Variants in TBC1D16 observed in about 807,000 individuals in gnomAD.
TBC1D16 encodes TBC1 domain family member 16.
TBC1D16 carries 58 observed loss-of-function variants against 74.7 expected under a neutral mutation model. The ratio of observed to expected loss-of-function variants is 0.78; its 90% CI spans 0.63 to 0.97. TBC1D16 has a LOEUF of 0.97. TBC1D16 is among the 50% of genes least tolerant of loss of function. The probability of loss-of-function intolerance (pLI) is 0.00; values close to 1 mark genes in which losing one functional copy is unlikely to be tolerated. For synonymous variants in TBC1D16, 493 were observed against 474.7 expected (o/e 1.04, Z -0.50); for missense variants, 1,014 against 1,079.5 (o/e 0.94, Z 0.85).
rs1298261854 is a variant in TBC1D16, at chr17:79,990,044, C to T, written c.779+20116G>A. Among the ~76,000 whole-genome samples the T allele has an allele frequency of 6.6e-6, 1 of 152,204 alleles. No individual in the cohort carries two copies. Among genetic ancestry groups the T allele is most frequent in the African/African-American group, 2.4e-5 (1 of 41,450 alleles). On this transcript the variant is annotated intron_variant, in intron 3 of 11. Coordinates refer to ENST00000310924, the MANE Select transcript of TBC1D16 (RefSeq NM_019020.4). The surrounding 1 kb of genome is among the most constrained non-coding windows in gnomAD (Gnocchi z 4.8). ...AACAGGGAGAGTCTATTTTTCTAAG[C>T]TCACTAGGTAAAGTGTTACTTCCTG...
Position 79,952,702 on chromosome 17 carries a change from A to C in TBC1D16, c.896T>G (p.Phe299Cys). The change falls in exon 4 of 12, where the codon TTC becomes TGC. Residue 299 changes from phenylalanine (F) to cysteine (C), a missense_variant. By Grantham distance (205) the Phe-to-Cys change is radical. Transcript: ENST00000310924. ...GCGCATGTGGCCCAGGTCCACGCGG[A>C]ACACGCCGCAAATCTGCTCCAGGGC... ...VCALEQICGV[F>C]RVDLGHMRSL... is the part of the protein sequence containing the mutation. 6.2e-7 allele frequency: 1 copy of C among 1,610,876 alleles called. No homozygotes were observed. Among genetic ancestry groups the C allele is most frequent in the East Asian group, 2.2e-5 (1 of 44,752 alleles).
chr17:79,997,646 T>C (rs1245468117), intron 3 of TBC1D16, among the ~76,000 whole-genome samples: 1 of 152,240 alleles, frequency 6.6e-6, no homozygotes, highest in African/African-American at 2.4e-5. Context: ...ATGTACACAC[T>C]TTCCCATACC....
At position 79,981,585 on chromosome 17, in the gene TBC1D16, A is replaced by G. The variant is rs74870426; in HGVS notation, c.779+28575T>C. Among the ~76,000 whole-genome samples the G allele has an allele frequency of 0.019, 2,925 of 152,374 alleles. 93 individuals carry two copies. The highest frequency in any genetic ancestry group is 0.067 in the African/African-American group (2,776 of 41,588). ...GATCGTCGGTGATAAAGAAATGCGC[A>G]TGAACATGATTTTTAAGCCATCCTA... On this transcript the variant is annotated intron_variant, in intron 3 of 11. Coordinates refer to ENST00000310924, the MANE Select transcript of TBC1D16 (RefSeq NM_019020.4). The surrounding 1 kb of genome is among the most constrained non-coding windows in gnomAD (Gnocchi z 6.9).
chr17:80,013,382 C>T lies in TBC1D16; in HGVS notation c.166G>A (p.Gly56Arg). The change falls in exon 2 of 12, where the codon GGG (glycine) becomes AGG (arginine). Residue 56 changes from glycine to arginine, a missense_variant. Transcript: ENST00000310924. The part of the protein sequence containing the change: ...VHPPEGLQGL[G>R]EHHPGYLCLY... ...CCTGGCTCACCTGGGTGGTGCTCCCCCAGCCCCTGCAGCCCCTCCGGCGGG... is the reference window on the plus strand; with the variant it reads ...CCTGGCTCACCTGGGTGGTGCTCCCTCAGCCCCTGCAGCCCCTCCGGCGGG... 3 of 1,606,814 alleles carry T rather than the reference C, an allele frequency of 1.9e-6. No homozygotes were observed. The highest frequency in any genetic ancestry group is 2.5e-6 in the Non-Finnish European group (3 of 1,177,172).
At position 79,986,890 on chromosome 17, in the gene TBC1D16, C is replaced by T. The variant is rs1028939073; in HGVS notation, c.779+23270G>A. The stretch of plus-strand genomic sequence containing the variant: ...GTGATGCATGGGAGGAGCTGGACTG[C>T]GGTCAGCCGTCCCCTCGCGCCCTCC... On this transcript the variant is annotated intron_variant, in intron 3 of 11. Coordinates refer to ENST00000310924, the MANE Select transcript of TBC1D16 (RefSeq NM_019020.4). This position sits in a 1 kb window ranked among gnomAD's most constrained non-coding sequence, Gnocchi z 6.0. Among the ~76,000 whole-genome samples, 2 of 152,230 alleles carry T rather than the reference C, an allele frequency of 1.3e-5. No homozygotes were observed. Among genetic ancestry groups the T allele is most frequent in the Non-Finnish European group, 2.9e-5 (2 of 68,046 alleles).
chr17:79,968,725 C>T (rs1289854954), intron 3 of TBC1D16, among the ~76,000 whole-genome samples: 2 of 150,318 alleles, frequency 1.3e-5, no homozygotes, highest in African/African-American at 2.4e-5. Context: ...TTGTGGCGGG[C>T]GCCTGTAGTC....
chr17:79,973,150 C>A (rs2034184346), intron 3 of TBC1D16, among the ~76,000 whole-genome samples: 1 of 152,208 alleles, frequency 6.6e-6, no homozygotes, highest in South Asian at 2.1e-4. Context: ...CAACCCAATA[C>A]CCCCGTTGGT....
chr17:80,030,190 G>T (rs1189743740), intron 1 of TBC1D16, among the ~76,000 whole-genome samples: 1 of 152,112 alleles, frequency 6.6e-6, no homozygotes, highest in Non-Finnish European at 1.5e-5. Flanking sequence ...CATCTTTGGG[G>T]GCCATTCTTC....
At chr17:79,957,195 G>T (rs566142540) in intron 3 of TBC1D16, among the ~76,000 whole-genome samples, 1 of 152,192 alleles carries the variant, frequency 6.6e-6, no homozygotes, top group Non-Finnish European at 1.5e-5. Context: ...GGTTGGGAGA[G>T]GAGGCTGTGA....
At position 79,940,167 on chromosome 17, in the gene TBC1D16, C is replaced by T. The variant is rs1006198184; in HGVS notation, c.*692G>A. On this transcript the variant is annotated 3_prime_UTR_variant, in exon 12 of 12. Coordinates refer to ENST00000310924, the MANE Select transcript of TBC1D16 (RefSeq NM_019020.4). This position sits in a 1 kb window ranked among gnomAD's most constrained non-coding sequence, Gnocchi z 5.4. ...AGGCTCCTGGGCAGACAGTTCCCTT[C>T]GTGTACCAGGAGGACGAAATGTTTA... The T allele has an allele frequency of 6.6e-6, 1 of 152,178 alleles. No individual in the cohort carries two copies. Among genetic ancestry groups the T allele is most frequent in the East Asian group, 1.9e-4 (1 of 5,188 alleles). The allele number at this position is 152,178 out of a possible 1,614,324, so 9.4% of individuals were successfully genotyped here.
Position 79,998,414 on chromosome 17 carries a change from G to A in TBC1D16, c.779+11746C>T, listed in dbSNP as rs111685943. Among the ~76,000 whole-genome samples the A allele has an allele frequency of 2.0e-4, 31 of 151,292 alleles. 1 individual carries two copies. Among genetic ancestry groups the A allele is most frequent in the African/African-American group, 6.3e-4 (26 of 41,180 alleles). ...GCAATCTAAGCTCACTGCAACCTCC[G>A]CATTCTGGGCTCAAGCAATCCTCCT... On this transcript the variant is annotated intron_variant, in intron 3 of 11. Transcript: ENST00000310924.
chr17:79,965,980 C>T (rs1393998578), intron 3 of TBC1D16, among the ~76,000 whole-genome samples: 1 of 152,212 alleles, frequency 6.6e-6, no homozygotes, highest in Non-Finnish European at 1.5e-5. Context: ...ACCACAGCTG[C>T]ATGGCTTAAA....
intron 4 of TBC1D16, among the ~76,000 whole-genome samples, chr17:79,952,377 G>T (rs1007470800): frequency 2.6e-5 from 4 of 152,252 alleles, no homozygotes; most frequent in Non-Finnish European, 4.4e-5. Context: ...CCCTGGTTTG[G>T]TTTCTTCTCC....
intron 3 of TBC1D16, among the ~76,000 whole-genome samples, chr17:79,964,726 AG>A (rs2143980480): frequency 6.6e-6 from 1 of 152,352 alleles, no homozygotes; most frequent in African/African-American, 2.4e-5. Flanking sequence ...TTTCAACCAT[AG>A]GAGAATATTT....
chr17:80,023,368 CG>C (rs199870640), intron 1 of TBC1D16, among the ~76,000 whole-genome samples: 1,512 of 149,964 alleles, frequency 0.01, 26 homozygotes, highest in Non-Finnish European at 0.012. Context: ...GGACAGTACC[CG>C]GGCAGCCACA....
intron 2 of TBC1D16, among the ~76,000 whole-genome samples, chr17:80,012,926 A>C (rs887556522): frequency 6.6e-6 from 1 of 152,030 alleles, no homozygotes; most frequent in Non-Finnish European, 1.5e-5. Context: ...TCCACCACAC[A>C]CTGGCACTGT....
chr17:80,008,288 A>T lies in TBC1D16; in HGVS notation c.779+1872T>A, dbSNP rs1454629647. On this transcript the variant is annotated intron_variant, in intron 3 of 11. Transcript: ENST00000310924. The surrounding 1 kb of genome is among the most constrained non-coding windows in gnomAD (Gnocchi z 4.5). ...TACAAACAGGGAAACCGAGGCTCCA[A>T]GAAAAGAAAGAATTTCCCAGGTTCA... Among the ~76,000 whole-genome samples the T allele has an allele frequency of 6.6e-6, 1 of 152,154 alleles. No individual in the cohort carries two copies. The highest frequency in any genetic ancestry group is 1.5e-5 in the Non-Finnish European group (1 of 68,032).
chr17:80,013,616 G>C lies in TBC1D16; in HGVS notation c.-62-7C>G. On this transcript the variant is annotated splice_polypyrimidine_tract_variant and splice_region_variant and intron_variant, in intron 1 of 11. Transcript: ENST00000310924. The stretch of plus-strand genomic sequence containing the variant: ...AGGGCTCGTCAAGACCTGCCTGGGG[G>C]AGGAAGAGAGAGGAGATGGTCAAGG... 7.1e-7 allele frequency: 1 copy of C among 1,408,610 alleles called. No individual in the cohort carries two copies. The highest frequency in any genetic ancestry group is 9.4e-7 in the Non-Finnish European group (1 of 1,062,692). The allele number at this position is 1,408,610 out of a possible 1,614,324, so 87.3% of individuals were successfully genotyped here. A position where few individuals can be genotyped will look rare whatever the true frequency, so the allele number is the denominator to read the frequency against.
chr17:80,010,055 C>T lies in TBC1D16; in HGVS notation c.779+105G>A. On this transcript the variant is annotated intron_variant, in intron 3 of 11. Coordinates refer to ENST00000310924, the MANE Select transcript of TBC1D16 (RefSeq NM_019020.4). The surrounding 1 kb of genome is among the most constrained non-coding windows in gnomAD (Gnocchi z 8.8). ...CAGCCGCGGGCAGGTCGGGCAGATG[C>T]CTCCAGCGCTCACCTGGCATCACAG... 1 of 1,004,344 alleles carries T rather than the reference C, an allele frequency of 1.0e-6. No homozygotes were observed. The allele number at this position is 1,004,344 out of a possible 1,614,324, so 62.2% of individuals were successfully genotyped here.
Sources: allele counts gnomAD v4.1 joint callset (sites outside exome capture counted in the v4.1 genomes callset), GRCh38; gene constraint gnomAD v4.1.1; non-coding constraint Gnocchi (gnomAD v3.1); transcripts MANE v1.5; gene names NCBI Gene and HGNC (gene_info 2026-07-23, HGNC 2026-07-21).